Variants in TRAK1 observed in about 807,000 individuals in gnomAD.
The protein encoded by TRAK1 is trafficking kinesin protein 1, also known as trafficking kinesin-binding protein 1.
In TRAK1, 33 loss-of-function variants were observed where a neutral mutation model predicts 92.1. The ratio of observed to expected loss-of-function variants is 0.36; its 90% confidence interval spans 0.27 to 0.48. The LOEUF is 0.48. Ranked by LOEUF, TRAK1 falls within the 20% of genes least tolerant of loss-of-function variation. The pLI is 0.99. For synonymous variants in TRAK1, 521 were observed against 517.3 expected (o/e 1.01, Z -0.10); for missense variants, 1,123 against 1,257.9 (o/e 0.89, Z 1.62).
chr3:42,110,238 CCCAGACGGGCAGTT>C (rs1708204221), intron 1 of TRAK1, among the ~76,000 whole-genome samples: 1 of 151,244 alleles, frequency 6.6e-6, no homozygotes, highest in African/African-American at 2.4e-5. Context: ...ACTTGAATAG[CCCAGACGGGCAGTT>C]CCCGGCTGTG....
intron 15 of TRAK1, among the ~76,000 whole-genome samples, chr3:42,221,034 C>G (rs1037899857): frequency 4.7e-5 from 7 of 147,764 alleles, no homozygotes; most frequent in Non-Finnish European, 5.9e-5. Flanking sequence ...GTGTCAGGGC[C>G]GAACAAAGCC....
rs144186719 is a variant in TRAK1 at position 42,179,348 on chromosome 3, A to G, written c.363+2458A>G. 5.7e-3 allele frequency among the ~76,000 whole-genome samples: 865 copies of G among 152,264 alleles called. 9 individuals carry two copies. The highest frequency in any genetic ancestry group is 0.02 in the African/African-American group (819 of 41,540). On this transcript the variant is annotated intron_variant, in intron 3 of 15. Coordinates refer to ENST00000327628, the MANE Select transcript of TRAK1 (RefSeq NM_001042646.3). ...CTGTTTCTTCTGTTCTCTTGCTATG[A>G]TTTCCATGCCTGCCACAGGCAGGCA...
intron 1 of TRAK1, among the ~76,000 whole-genome samples, chr3:42,118,583 A>T (rs1709461800): frequency 6.6e-6 from 1 of 152,166 alleles, no homozygotes; most frequent in South Asian, 2.1e-4. Context: ...GCAGGTGAGG[A>T]TCTAGCCCCA....
In TRAK1 at chr3:42,224,540, T is replaced by C. The variant is rs1161082786; in HGVS notation, c.*803T>C. On this transcript the variant is annotated 3_prime_UTR_variant, in exon 16 of 16. Coordinates refer to ENST00000327628, the MANE Select transcript of TRAK1 (RefSeq NM_001042646.3). ...TGCAGGGAAGTAATGGTACTGGTAG[T>C]GTATGTTTTCTATGTGGTTCAAATA... is the stretch of plus-strand genomic sequence containing the variant. 1 of 157,364 alleles carries C rather than the reference T, an allele frequency of 6.4e-6. No homozygotes were observed. Among genetic ancestry groups the C allele is most frequent in the East Asian group, 1.9e-4 (1 of 5,222 alleles). 9.7% of individuals were successfully genotyped at this position (157,364 alleles called of 1,614,324 possible). A position where few individuals can be genotyped will look rare whatever the true frequency, so the allele number is the denominator to read the frequency against.
intron 1 of TRAK1, among the ~76,000 whole-genome samples, chr3:42,104,949 CTTTTT>C (rs34326359): frequency 1.5e-5 from 2 of 130,758 alleles, no homozygotes. Context: ...AGCTAAAAAT[CTTTTT>C]TTTTTTTTTT....
intron 14 of TRAK1, among the ~76,000 whole-genome samples, chr3:42,216,535 C>T (rs1045115485): frequency 6.6e-6 from 1 of 152,218 alleles, no homozygotes; most frequent in African/African-American, 2.4e-5. Context: ...ATGTGTCCAC[C>T]TGTAGCTAGC....
At chr3:42,079,205 A>G (rs1190211013) in intron 1 of TRAK1, among the ~76,000 whole-genome samples, 1 of 152,238 alleles carries the variant, frequency 6.6e-6, no homozygotes, top group African/African-American at 2.4e-5. Flanking sequence ...GTAATAGAAC[A>G]CTGACATAAT....
Position 42,209,937 on chromosome 3 carries a change from C to T in TRAK1, c.1915C>T (p.Leu639Phe). 1.2e-6 allele frequency: 2 copies of T among 1,614,216 alleles called. No homozygotes were observed. Among genetic ancestry groups the T allele is most frequent in the African/African-American group, 1.3e-5 (1 of 75,048 alleles). ...AGATGACACAGGTGACCACATTTCTCTCCCACGCCTAGCTACCTCCACTCC... is the reference window on the plus strand; with the variant it reads ...AGATGACACAGGTGACCACATTTCTTTCCCACGCCTAGCTACCTCCACTCC... ...EEDDTGDHIS[L>F]PRLATSTPVQ... Residue 639 changes from leucine to phenylalanine, a missense_variant, in exon 14 of 16, where the codon CTC becomes TTC. By Grantham distance (22) the Leu-to-Phe change is conservative. Around this residue, in one of 3 missense-constraint regions of TRAK1, gnomAD observed 401 missense variants for 438.9 expected, o/e 0.91. Coordinates refer to ENST00000327628, the MANE Select transcript of TRAK1 (RefSeq NM_001042646.3).
chr3:42,022,209 G>A (rs1182906167), intron 1 of TRAK1, among the ~76,000 whole-genome samples: 1 of 152,132 alleles, frequency 6.6e-6, no homozygotes, highest in Admixed American at 6.5e-5. Flanking sequence ...CTTTGGATTC[G>A]AATATCAAGA....
intron 1 of TRAK1, among the ~76,000 whole-genome samples, chr3:42,077,516 T>G (rs1317155292): frequency 6.6e-6 from 1 of 152,230 alleles, no homozygotes; most frequent in East Asian, 1.9e-4. Flanking sequence ...CTTGAACTCC[T>G]GACCTCAAGT....
At chr3:42,200,467 T>G (rs1289574496) in intron 11 of TRAK1, among the ~76,000 whole-genome samples, 1 of 152,206 alleles carries the variant, frequency 6.6e-6, no homozygotes, top group Non-Finnish European at 1.5e-5. Context: ...TTTATTCTAG[T>G]GAATATTATG....
At chr3:42,061,083 G>C (rs1433794109) in intron 1 of TRAK1, among the ~76,000 whole-genome samples, 1 of 152,112 alleles carries the variant, frequency 6.6e-6, no homozygotes, top group East Asian at 1.9e-4. Flanking sequence ...CCTGGAAGCT[G>C]ACTTAAAAGT....
chr3:42,135,874 A>C (rs1176934560), intron 2 of TRAK1, among the ~76,000 whole-genome samples: 1 of 152,096 alleles, frequency 6.6e-6, no homozygotes, highest in Admixed American at 6.5e-5. Flanking sequence ...CTACTGCCTG[A>C]ATATGTTGCC....
rs1289964428 is a variant in TRAK1, at chr3:42,209,772, G to A, written c.1750G>A (p.Ala584Thr). 7 of 1,613,882 alleles carry A rather than the reference G, an allele frequency of 4.3e-6. No homozygotes were observed. The highest frequency in any genetic ancestry group is 1.7e-5 in the Admixed American group (1 of 60,006). Residue 584 changes from alanine to threonine, a missense_variant, in exon 14 of 16, where the codon GCC becomes ACC. By Grantham distance (58) the Ala-to-Thr change is moderately conservative (BLOSUM62 0). This residue lies in a region of TRAK1 where 36 missense variants were observed against 71.3 expected (regional missense o/e 0.50). Coordinates refer to ENST00000327628, the MANE Select transcript of TRAK1 (RefSeq NM_001042646.3). Reference protein sequence around the residue: ...LQIVKPLEGSATLHHWQQLAQ... With the variant: ...LQIVKPLEGSTTLHHWQQLAQ... ...CCTTCCCTTTCTCCTGCAAGGTTCCGCCACACTTCACCACTGGCAGCAGTT... is the reference window on the plus strand; with the variant it reads ...CCTTCCCTTTCTCCTGCAAGGTTCCACCACACTTCACCACTGGCAGCAGTT...
chr3:42,125,405 T>A lies in TRAK1; in HGVS notation c.92-15T>A, dbSNP rs1576484848. ...CCATTTCTGGGCTCTCATTTCTTGG[T>A]TGTCTTGTCTTTAGATGTGTGCAAC... On this transcript the variant is annotated splice_polypyrimidine_tract_variant and intron_variant, in intron 1 of 15. Transcript: ENST00000327628. The A allele has an allele frequency of 1.2e-6, 2 of 1,606,866 alleles. No individual in the cohort carries two copies. The highest frequency in any genetic ancestry group is 2.7e-5 in the African/African-American group (2 of 74,528).
intron 2 of TRAK1, among the ~76,000 whole-genome samples, chr3:42,134,627 C>A (rs1697699829): frequency 7.3e-6 from 1 of 136,682 alleles, no homozygotes; most frequent in Non-Finnish European, 1.5e-5. Context: ...CGCTCTGTTG[C>A]CCAGGCTAGA....
chr3:42,219,786 GTTTTTTTTTT>G (rs397989334), intron 15 of TRAK1, among the ~76,000 whole-genome samples, 190 bp downstream of exon 15: 6 of 63,526 alleles, frequency 9.4e-5, no homozygotes, highest in Admixed American at 7.2e-4. Flanking sequence ...GTTGTTATGT[GTTTTTTTTTT>G]TTTTTTTTTT....
intron 2 of TRAK1, among the ~76,000 whole-genome samples, chr3:42,158,166 A>T (rs1700781807): frequency 6.6e-6 from 1 of 152,248 alleles, no homozygotes; most frequent in African/African-American, 2.4e-5. Context: ...TATGTTTCAT[A>T]ATAGCGATAC....
chr3:42,151,654 G>A (rs1297365481), intron 2 of TRAK1, among the ~76,000 whole-genome samples: 3 of 152,136 alleles, frequency 2.0e-5, no homozygotes, highest in Non-Finnish European at 4.4e-5. Context: ...TTTAGGAAAC[G>A]TACAAAAAGG....
Sources: gnomAD v4.1 joint callset for allele counts (sites outside exome capture counted in the v4.1 genomes callset) on GRCh38, gnomAD v4.1.1 for gene constraint, gnomAD v4.1.1 regional missense constraint, MANE v1.5 for transcripts, NCBI Gene and HGNC (gene_info 2026-07-23, HGNC 2026-07-21) for gene names.